RBFOX1: variants seen among roughly 807,000 people sequenced by gnomAD.
RBFOX1 encodes RNA binding fox-1 homolog 1.
RBFOX1 carries 8 observed loss-of-function variants against 57.7 expected under a neutral mutation model. The observed-to-expected ratio is 0.14, with a 90% CI of 0.08 to 0.25. The LOEUF (loss-of-function observed/expected upper bound fraction) is 0.25, where lower values mean the gene tolerates loss of function less well. Ranked by LOEUF, RBFOX1 falls within the 10% of genes least tolerant of loss-of-function variation. The pLI is 1.00. For synonymous variants in RBFOX1, 326 were observed against 222.4 expected (o/e 1.47, Z -4.15); for missense variants, 611 against 548.5 (o/e 1.11, Z -1.14).
intron 1 of RBFOX1, among the ~76,000 whole-genome samples, chr16:6,225,387 G>T (rs1446574153): frequency 6.6e-6 from 1 of 152,058 alleles, no homozygotes; most frequent in African/African-American, 2.4e-5. Context: ...GAGAGAACTT[G>T]GTTATGAAGC....
chr16:7,155,613 G>A (rs1413822833), intron 4 of RBFOX1, among the ~76,000 whole-genome samples: 2 of 143,620 alleles, frequency 1.4e-5, no homozygotes, highest in Non-Finnish European at 3.0e-5. Context: ...AAAAAGAGTA[G>A]TGGAATAAGA....
intron 1 of RBFOX1, among the ~76,000 whole-genome samples, chr16:6,074,932 C>T (rs1290738244): frequency 6.6e-6 from 1 of 152,010 alleles, no homozygotes; most frequent in Non-Finnish European, 1.5e-5. Context: ...AAGACACCAT[C>T]TCTAAAAAAG....
At chr16:5,709,998 C>G (rs988354623) in intron 3 of RBFOX1, among the ~76,000 whole-genome samples, 1 of 150,214 alleles carries the variant, frequency 6.7e-6, no homozygotes, top group African/African-American at 2.5e-5. Flanking sequence ...AACTCAGGCG[C>G]ATTGGGTTCT....
chr16:7,410,034 A>G (rs532136677), intron 4 of RBFOX1, among the ~76,000 whole-genome samples: 6 of 151,934 alleles, frequency 3.9e-5, no homozygotes, highest in Non-Finnish European at 7.4e-5. Flanking sequence ...TTCAGCTGCA[A>G]TTAAAGCTGC....
intron 3 of RBFOX1, among the ~76,000 whole-genome samples, chr16:6,817,082 A>T (rs2090249113): frequency 6.6e-6 from 1 of 152,102 alleles, no homozygotes; most frequent in African/African-American, 2.4e-5. Flanking sequence ...AATGAATTGG[A>T]CTTGACATCT....
intron 4 of RBFOX1, among the ~76,000 whole-genome samples, chr16:7,387,210 A>C (rs1166894134): frequency 6.6e-6 from 1 of 152,182 alleles, no homozygotes; most frequent in Non-Finnish European, 1.5e-5. Flanking sequence ...CTTGCCACAC[A>C]CCAACCATTG....
At chr16:6,795,561 T>G (rs916239768) in intron 3 of RBFOX1, among the ~76,000 whole-genome samples, 14 of 151,924 alleles carry the variant, frequency 9.2e-5, no homozygotes, top group Admixed American at 8.5e-4. Flanking sequence ...AGGTCACAAG[T>G]TCAAGACCAG....
At chr16:7,049,880 T>C (rs1346865085) in intron 3 of RBFOX1, among the ~76,000 whole-genome samples, 3 of 152,176 alleles carry the variant, frequency 2.0e-5, no homozygotes, top group Non-Finnish European at 2.9e-5. Flanking sequence ...AAAATTTACC[T>C]TTTTTATCAT....
intron 4 of RBFOX1, among the ~76,000 whole-genome samples, chr16:7,472,438 G>A (rs1377331004): frequency 6.6e-6 from 1 of 152,184 alleles, no homozygotes; most frequent in Non-Finnish European, 1.5e-5. Context: ...ATTCTTTCCA[G>A]TGTGGCTGAA....
chr16:7,496,756 A>AAAAC (rs386384142), intron 4 of RBFOX1, among the ~76,000 whole-genome samples: 1 of 151,762 alleles, frequency 6.6e-6, no homozygotes, highest in Non-Finnish European at 1.5e-5. Flanking sequence ...AGAAAAAAAA[A>AAAAC]AAACAGTTTG....
intron 3 of RBFOX1, among the ~76,000 whole-genome samples, chr16:5,636,938 G>A (rs1286377323): frequency 1.3e-5 from 2 of 152,174 alleles, no homozygotes; most frequent in African/African-American, 4.8e-5. Context: ...CTGGCCTTGG[G>A]AGCCAGGATT....
At chr16:7,634,386 T>TTG (rs2061438462) in intron 11 of RBFOX1, among the ~76,000 whole-genome samples, 1 of 138,836 alleles carries the variant, frequency 7.2e-6, no homozygotes, top group African/African-American at 2.9e-5. Flanking sequence ...CCTTTGATGT[T>TTG]TGTTTTTTTT....
chr16:7,068,741 C>T (rs544471113), intron 4 of RBFOX1, among the ~76,000 whole-genome samples: 2 of 152,242 alleles, frequency 1.3e-5, no homozygotes, highest in South Asian at 4.2e-4. Flanking sequence ...GTCCCTGCCA[C>T]CACACCCAGC....
At chr16:6,890,173 A>T (rs1228955527) in intron 3 of RBFOX1, among the ~76,000 whole-genome samples, 2 of 152,218 alleles carry the variant, frequency 1.3e-5, no homozygotes, top group Non-Finnish European at 2.9e-5. Context: ...ATATGATTGA[A>T]GTTGGGAGAA....
intron 2 of RBFOX1, among the ~76,000 whole-genome samples, chr16:5,547,665 T>C (rs2045269080): frequency 6.6e-6 from 1 of 152,110 alleles, no homozygotes; most frequent in Non-Finnish European, 1.5e-5. Context: ...TAACGGTGCC[T>C]TGAGTGAAGA....
intron 3 of RBFOX1, among the ~76,000 whole-genome samples, chr16:6,755,695 G>T (rs2075679024): frequency 1.3e-5 from 2 of 152,114 alleles, no homozygotes; most frequent in Admixed American, 1.3e-4. Flanking sequence ...TAATACTAGA[G>T]AATTCGTTTC....
chr16:6,737,797 T>C (rs544990878), intron 3 of RBFOX1, among the ~76,000 whole-genome samples: 2 of 152,304 alleles, frequency 1.3e-5, no homozygotes, highest in South Asian at 4.1e-4. Context: ...TATATCAAGA[T>C]TGTTTATATT....
intron 4 of RBFOX1, among the ~76,000 whole-genome samples, chr16:7,417,360 G>A (rs938872390): frequency 4.9e-5 from 6 of 122,200 alleles, no homozygotes; most frequent in Non-Finnish European, 8.2e-5. Flanking sequence ...GCAACAGAGC[G>A]AGACTCTGTG....
intron 3 of RBFOX1, among the ~76,000 whole-genome samples, chr16:6,661,761 C>T (rs969438872): frequency 1.3e-5 from 2 of 152,172 alleles, no homozygotes; most frequent in Non-Finnish European, 1.5e-5. Context: ...TGATGTGTGA[C>T]AGAATGAACA....
Sources: gnomAD v4.1 joint callset for allele counts (sites outside exome capture counted in the v4.1 genomes callset) on GRCh38, gnomAD v4.1.1 for gene constraint, MANE v1.5 for transcripts, NCBI Gene and HGNC (gene_info 2026-07-23, HGNC 2026-07-21) for gene names.